ACP3: variants seen among roughly 807,000 people sequenced by gnomAD.
The protein encoded by ACP3 is acid phosphatase 3, also known as prostatic acid phosphatase.
In ACP3, 38 loss-of-function variants were observed where a neutral mutation model predicts 45.6. The ratio of observed to expected loss-of-function variants is 0.83; its 90% CI spans 0.64 to 1.09. The LOEUF (loss-of-function observed/expected upper bound fraction) is 1.09, where lower values mean the gene tolerates loss of function less well. ACP3 is among the 50% of genes least tolerant of loss of function. ACP3 has a pLI of 0.00. For synonymous variants in ACP3, 162 were observed against 164.7 expected (o/e 0.98, Z 0.13); for missense variants, 466 against 463.2 (o/e 1.01, Z -0.05).
chr3:132,342,776 G>T (rs541229463), intron 6 of ACP3, 132 bp downstream of exon 6: 1 of 496,166 alleles, frequency 2.0e-6, no homozygotes, highest in Non-Finnish European at 3.5e-6. Context: ...ACATTGAAAC[G>T]TAATTCACAA....
intron 4 of ACP3, among the ~76,000 whole-genome samples, chr3:132,337,060 T>TGG (rs1187163551): frequency 1.5e-4 from 21 of 136,790 alleles, no homozygotes; most frequent in South Asian, 1.2e-3. Context: ...ATACATGCGT[T>TGG]GGGGTGTGTG....
chr3:132,350,387 ATAAAG>A (rs1288038132), intron 8 of ACP3, among the ~76,000 whole-genome samples: 2 of 152,212 alleles, frequency 1.3e-5, no homozygotes, highest in Non-Finnish European at 1.5e-5. Context: ...TGTAGGACAA[ATAAAG>A]TAAATTATTA....
At chr3:132,342,505 G>A (rs754939064) in intron 5 of ACP3, 47 bp from the exon 6 acceptor site, 1 of 1,325,948 alleles carries the variant, frequency 7.5e-7, no homozygotes, top group Non-Finnish European at 1.1e-6. Context: ...TAATGCTGAA[G>A]CTGAGAAACC....
chr3:132,350,244 A>T (rs561778923), intron 8 of ACP3, among the ~76,000 whole-genome samples: 35 of 152,346 alleles, frequency 2.3e-4, no homozygotes, highest in Admixed American at 9.1e-4. Context: ...GGCAAGTGCT[A>T]TGGCACCTCA....
intron 1 of ACP3, among the ~76,000 whole-genome samples, chr3:132,321,769 G>A (rs528919319): frequency 1.3e-5 from 2 of 152,258 alleles, no homozygotes; most frequent in South Asian, 4.1e-4. Flanking sequence ...GGAGAGTGCT[G>A]TTTCCCATTG....
chr3:132,364,640 T>C (rs538403106), intron 10 of ACP3, among the ~76,000 whole-genome samples: 18 of 152,360 alleles, frequency 1.2e-4, no homozygotes, highest in Admixed American at 3.9e-4. Flanking sequence ...TATCACAGTA[T>C]CTTGTAATTA....
rs369322365 is a variant in ACP3, at chr3:132,339,305, A to G, written c.555+1751A>G. Among the ~76,000 whole-genome samples the G allele has an allele frequency of 1.1e-4, 16 of 152,352 alleles. No individual in the cohort carries two copies. The South Asian group carries it at 3.3e-3, about 32-fold the overall frequency. ...TGAAAACACCAATCAACACAGACAGAAGACTTCTGTGACCAAATATGGGGG... is the reference window on the plus strand; with the variant it reads ...TGAAAACACCAATCAACACAGACAGGAGACTTCTGTGACCAAATATGGGGG... On this transcript the variant is annotated intron_variant, in intron 5 of 9. Transcript: ENST00000336375.
At chr3:132,367,612 T>C in intron 10 of ACP3, 1 of 982,740 alleles carries the variant, frequency 1.0e-6, no homozygotes, top group South Asian at 1.4e-5. Context: ...CTCTGAAATT[T>C]GCAATTAAGG....
chr3:132,328,934 G>A (rs1212764693), intron 2 of ACP3, among the ~76,000 whole-genome samples: 2 of 152,176 alleles, frequency 1.3e-5, no homozygotes, highest in Non-Finnish European at 2.9e-5. Context: ...ACAGCATTGG[G>A]AAACATGATT....
intron 5 of ACP3, among the ~76,000 whole-genome samples, chr3:132,337,914 CT>C (rs377485603): frequency 9.3e-4 from 139 of 149,096 alleles, no homozygotes; most frequent in South Asian, 6.8e-3. Flanking sequence ...AAAGGATAGT[CT>C]TTTTTTTTTG....
chr3:132,361,069 C>T (rs1938032267), downstream of ACP3, among the ~76,000 whole-genome samples: 1 of 152,154 alleles, frequency 6.6e-6, no homozygotes, highest in Non-Finnish European at 1.5e-5. Context: ...AATCATTGGC[C>T]ATAAACACAT....
chr3:132,356,068 G>T (rs1386051945), intron 9 of ACP3, among the ~76,000 whole-genome samples: 1 of 152,034 alleles, frequency 6.6e-6, no homozygotes, highest in Admixed American at 6.6e-5. Flanking sequence ...TTGTTTTTTT[G>T]AGATAAAGCA....
chr3:132,329,945 T>TTG (rs2107797709), intron 2 of ACP3, among the ~76,000 whole-genome samples: 1 of 130,432 alleles, frequency 7.7e-6, no homozygotes, highest in African/African-American at 3.0e-5. Context: ...TGAGATGGAG[T>TTG]CTCACTCTGT....
chr3:132,349,196 A>C (rs1047053840), intron 7 of ACP3, among the ~76,000 whole-genome samples: 3 of 152,184 alleles, frequency 2.0e-5, no homozygotes, highest in African/African-American at 4.8e-5. Flanking sequence ...AAATACTGTA[A>C]GCTCTATATC....
rs968972135 is a variant in ACP3 at position 132,329,337 on chromosome 3, A to T, written c.216+975A>T. Among the ~76,000 whole-genome samples, 11 of 152,140 alleles carry T rather than the reference A, an allele frequency of 7.2e-5. 1 individual carries two copies. Among genetic ancestry groups the T allele is most frequent in the Admixed American group, 6.5e-4 (10 of 15,268 alleles). On this transcript the variant is annotated intron_variant, in intron 2 of 9. Transcript: ENST00000336375. Reference sequence around the variant, plus strand: ...ATGTCTGCCTGGGAGGTTCTTATTTAATTGGTCTAGTATGTGTCCTGGGCA... The same window carrying T: ...ATGTCTGCCTGGGAGGTTCTTATTTTATTGGTCTAGTATGTGTCCTGGGCA...
In ACP3 at chr3:132,357,654, G is replaced by A. The variant is rs902842089; in HGVS notation, c.*776G>A. On this transcript the variant is annotated 3_prime_UTR_variant, in exon 10 of 10. Coordinates refer to ENST00000336375, the MANE Select transcript of ACP3 (RefSeq NM_001099.5). ...CAAATAAGTCATCTGATGAGAACAA[G>A]CTATTTGGGCACAACACATCAGGAA... 18 of 985,134 alleles carry A rather than the reference G, an allele frequency of 1.8e-5. No homozygotes were observed. Among genetic ancestry groups the A allele is most frequent in the Non-Finnish European group, 2.0e-5 (17 of 829,828 alleles). 61.0% of individuals were successfully genotyped at this position (985,134 alleles called of 1,614,324 possible).
At chr3:132,353,223 G>C (rs895410281) in intron 9 of ACP3, among the ~76,000 whole-genome samples, 1 of 152,132 alleles carries the variant, frequency 6.6e-6, no homozygotes, top group East Asian at 1.9e-4. Context: ...CACAAGTCAA[G>C]ATTCTTAAAG....
chr3:132,356,897 T>C lies in ACP3; in HGVS notation c.*19T>C. On this transcript the variant is annotated 3_prime_UTR_variant, in exon 10 of 10. Transcript: ENST00000336375. ...AGATTAGTGTGCACAGAGATCTCTG[T>C]AGAAGGAGTAGCTGCCCTTTCTCAG... The C allele has an allele frequency of 6.3e-7, 1 of 1,594,768 alleles. No homozygotes were observed. Among genetic ancestry groups the C allele is most frequent in the Non-Finnish European group, 8.6e-7 (1 of 1,167,174 alleles).
intron 4 of ACP3, among the ~76,000 whole-genome samples, chr3:132,335,722 A>T (rs1349102041): frequency 1.3e-5 from 2 of 152,182 alleles, no homozygotes; most frequent in Non-Finnish European, 2.9e-5. Flanking sequence ...TTTTAGGCAG[A>T]GCTCCTAAGC....
Sources: allele counts gnomAD v4.1 joint callset (sites outside exome capture counted in the v4.1 genomes callset), GRCh38; gene constraint gnomAD v4.1.1; transcripts MANE v1.5; gene names NCBI Gene and HGNC (gene_info 2026-07-23, HGNC 2026-07-21).